The following GRID2 variants were observed in gnomAD, a reference collection of about 807,000 sequenced individuals.
GRID2 encodes the protein glutamate ionotropic receptor delta type subunit 2.
In GRID2, 33 loss-of-function variants were observed where a neutral mutation model predicts 114.8. The ratio of observed to expected loss-of-function variants is 0.29; its 90% CI spans 0.22 to 0.38. GRID2 has a LOEUF of 0.38. Among genes scored for constraint, GRID2 ranks in the 10% least tolerant of loss-of-function variants. GRID2 has a pLI of 1.00. For synonymous variants in GRID2, 505 were observed against 449.9 expected (o/e 1.12, Z -1.55); for missense variants, 1,184 against 1,257.7 (o/e 0.94, Z 0.89).
At chr4:92,637,131 C>T (rs1253001894) in intron 2 of GRID2, among the ~76,000 whole-genome samples, 1 of 151,570 alleles carries the variant, frequency 6.6e-6, no homozygotes, top group Non-Finnish European at 1.5e-5. Flanking sequence ...TTAGTTTGTT[C>T]TCATAATGTT....
chr4:93,555,997 C>A (rs1183141960), intron 13 of GRID2, among the ~76,000 whole-genome samples: 1 of 152,186 alleles, frequency 6.6e-6, no homozygotes, highest in Non-Finnish European at 1.5e-5. Flanking sequence ...CAAACTCCAG[C>A]AGACCTGCAG....
intron 1 of GRID2, among the ~76,000 whole-genome samples, chr4:92,484,549 G>C (rs1722773615): frequency 6.6e-6 from 1 of 152,032 alleles, no homozygotes; most frequent in Non-Finnish European, 1.5e-5. Context: ...TAGGAAGGTG[G>C]AGAGACACAT....
intron 1 of GRID2, among the ~76,000 whole-genome samples, chr4:92,586,569 G>T (rs887825907): frequency 6.6e-6 from 1 of 151,732 alleles, no homozygotes; most frequent in Non-Finnish European, 1.5e-5. Context: ...GCTTTGAATT[G>T]TACAATAATT....
chr4:92,655,210 GT>G (rs1732167870), intron 2 of GRID2, among the ~76,000 whole-genome samples: 1 of 151,664 alleles, frequency 6.6e-6, no homozygotes, highest in East Asian at 1.9e-4. Context: ...AAATATGTGG[GT>G]TTATTTCTGG....
intron 2 of GRID2, among the ~76,000 whole-genome samples, chr4:92,875,084 G>A (rs909643528): frequency 8.0e-5 from 12 of 150,070 alleles, no homozygotes; most frequent in Admixed American, 2.0e-4. Flanking sequence ...GTGAAATTTC[G>A]TGTGCCAAGG....
chr4:92,686,513 C>G (rs1008452026), intron 2 of GRID2, among the ~76,000 whole-genome samples: 4 of 151,900 alleles, frequency 2.6e-5, no homozygotes, highest in African/African-American at 9.7e-5. Flanking sequence ...TTTCGTTGTT[C>G]TTGTTAAGTT....
At chr4:92,913,343 T>C (rs1256293827) in intron 2 of GRID2, among the ~76,000 whole-genome samples, 1 of 151,936 alleles carries the variant, frequency 6.6e-6, no homozygotes, top group African/African-American at 2.4e-5. Flanking sequence ...AGAAAACTTG[T>C]GTTTTATTGC....
At position 93,238,456 on chromosome 4, in the gene GRID2, A is replaced by G. The variant is rs778065372; in HGVS notation, c.1211A>G (p.Asn404Ser). 1.6e-5 allele frequency: 25 copies of G among 1,610,242 alleles called. No individual in the cohort carries two copies. The Admixed American group carries it at 2.3e-4, about 15-fold the overall frequency. ...PNVHFEILGT[N>S]YGEELGRGVR... The stretch of plus-strand genomic sequence containing the variant: ...GTCCACTTTGAAATCCTTGGAACCA[A>G]CTATGGAGAAGAGCTTGGCAGAGGT... The change falls in exon 8 of 16, where the codon AAC becomes AGC. Residue 404 changes from asparagine (N) to serine (S), a missense_variant. Asn to Ser is a conservative substitution (Grantham distance 46, BLOSUM62 1). Transcript: ENST00000282020.
chr4:93,343,254 A>C (rs1443829342), intron 8 of GRID2, among the ~76,000 whole-genome samples: 1 of 151,938 alleles, frequency 6.6e-6, no homozygotes, highest in East Asian at 1.9e-4. Flanking sequence ...ATAATTGGCT[A>C]TGTGGGTTAC....
chr4:92,331,162 A>C (rs902481940), intron 1 of GRID2, among the ~76,000 whole-genome samples: 3 of 152,162 alleles, frequency 2.0e-5, no homozygotes, highest in Admixed American at 6.6e-5. Context: ...TGTCAGACTG[A>C]CCTTGATTTA....
chr4:93,244,299 A>T (rs1747884684), intron 8 of GRID2, among the ~76,000 whole-genome samples: 1 of 151,798 alleles, frequency 6.6e-6, no homozygotes, highest in East Asian at 1.9e-4. Flanking sequence ...ATCTTCATAA[A>T]AGTGTTTTCT....
At chr4:93,314,541 G>A (rs1756377980) in intron 8 of GRID2, among the ~76,000 whole-genome samples, 1 of 151,824 alleles carries the variant, frequency 6.6e-6, no homozygotes, top group Non-Finnish European at 1.5e-5. Context: ...GTTCTCCCAG[G>A]CAAAATAGCC....
chr4:92,740,723 GATAGATAGATAGATA>G (rs1345525497), intron 2 of GRID2, among the ~76,000 whole-genome samples: 9 of 146,366 alleles, frequency 6.1e-5, no homozygotes, highest in African/African-American at 2.4e-4. Context: ...TAGATAGATA[GATAGATAGATAGATA>G]GATGGATAGA....
intron 4 of GRID2, among the ~76,000 whole-genome samples, chr4:93,193,420 TAGTG>T (rs1206003634): frequency 6.6e-6 from 1 of 152,116 alleles, no homozygotes; most frequent in Non-Finnish European, 1.5e-5. Context: ...GTTCTCATGA[TAGTG>T]AGTGAGTTCT....
At chr4:93,523,736 G>A (rs1730561648) in intron 13 of GRID2, among the ~76,000 whole-genome samples, 1 of 152,150 alleles carries the variant, frequency 6.6e-6, no homozygotes, top group Non-Finnish European at 1.5e-5. Context: ...TTGGCTAACA[G>A]CAATCTCACC....
At chr4:93,219,758 T>C (rs1302731013) in intron 6 of GRID2, among the ~76,000 whole-genome samples, 1 of 152,212 alleles carries the variant, frequency 6.6e-6, no homozygotes, top group African/African-American at 2.4e-5. Flanking sequence ...ATTTACTGCT[T>C]AGTGGAACTA....
chr4:93,574,838 A>T (rs1436481156), intron 13 of GRID2, among the ~76,000 whole-genome samples: 1 of 152,218 alleles, frequency 6.6e-6, no homozygotes, highest in East Asian at 1.9e-4. Flanking sequence ...AATAAATCAC[A>T]AAAAGTTGGT....
chr4:93,420,040 AT>A (rs564811105), intron 9 of GRID2, among the ~76,000 whole-genome samples: 3 of 151,782 alleles, frequency 2.0e-5, no homozygotes, highest in Admixed American at 6.6e-5. Flanking sequence ...AACATAGCCG[AT>A]TTTTTTTGGT....
chr4:92,771,496 C>T (rs1738546219), intron 2 of GRID2, among the ~76,000 whole-genome samples: 1 of 152,078 alleles, frequency 6.6e-6, no homozygotes, highest in Admixed American at 6.6e-5. Flanking sequence ...TGTATTTCAT[C>T]CCTCTTTTGG....
Sources: gnomAD v4.1 joint callset for allele counts (sites outside exome capture counted in the v4.1 genomes callset) on GRCh38, gnomAD v4.1.1 for gene constraint, MANE v1.5 for transcripts, NCBI Gene and HGNC (gene_info 2026-07-23, HGNC 2026-07-21) for gene names.